Variants in PCLO observed in about 807,000 individuals in gnomAD.
PCLO encodes the protein piccolo presynaptic cytomatrix protein.
In PCLO, 82 loss-of-function variants were observed where a neutral mutation model predicts 427.5. The observed-to-expected ratio is 0.19, with a 90% CI of 0.16 to 0.23. PCLO has a LOEUF of 0.23. Among genes scored for constraint, PCLO ranks in the 10% least tolerant of loss-of-function variants. The probability of loss-of-function intolerance (pLI) is 1.00; values close to 1 mark genes in which losing one functional copy is unlikely to be tolerated. For synonymous variants in PCLO, 2,357 were observed against 2,155.4 expected (o/e 1.09, Z -2.59); for missense variants, 6,239 against 6,115.9 (o/e 1.02, Z -0.67).
intron 9 of PCLO, among the ~76,000 whole-genome samples, chr7:82,898,655 A>G (rs899630560): frequency 2.0e-5 from 3 of 151,438 alleles, no homozygotes; most frequent in Non-Finnish European, 4.4e-5. Flanking sequence ...TGTCTCACAA[A>G]GGCAGCTAAA....
In PCLO at chr7:83,134,736, G is replaced by C; in HGVS notation, c.2814C>G (p.Ile938Met). Reference protein sequence around the residue: ...TGKLFGFGASIFSQASNLIST... With the variant: ...TGKLFGFGASMFSQASNLIST... ...AAATTAAATTTGATGCCTGGCTGAA[G>C]ATTGATGCTCCAAACCCAAAGAGTT... Residue 938 changes from isoleucine (I) to methionine (M), a missense_variant, in exon 3 of 25, where the codon ATC becomes ATG. Physicochemically the swap from Ile to Met is conservative, Grantham distance 10. Coordinates refer to ENST00000333891, the MANE Select transcript of PCLO (RefSeq NM_033026.6). The C allele has an allele frequency of 6.2e-7, 1 of 1,613,922 alleles. No individual in the cohort carries two copies. The highest frequency in any genetic ancestry group is 8.5e-7 in the Non-Finnish European group (1 of 1,179,878).
At chr7:83,016,841 CA>C (rs1220664853) in intron 3 of PCLO, among the ~76,000 whole-genome samples, 1 of 152,100 alleles carries the variant, frequency 6.6e-6, no homozygotes, top group African/African-American at 2.4e-5. Context: ...AAAAACTTTA[CA>C]TATCAACTGT....
rs1792483168 is a variant in PCLO, at chr7:83,162,815, C to G, written c.-223G>C. ...GGTGCCTCCTCCATGTTGGACAGCGCCAGGCAACCTTTGCAGAAGACACCT... is the reference window on the plus strand; with the variant it reads ...GGTGCCTCCTCCATGTTGGACAGCGGCAGGCAACCTTTGCAGAAGACACCT... On this transcript the variant is annotated 5_prime_UTR_variant, in exon 1 of 25. Coordinates refer to ENST00000333891, the MANE Select transcript of PCLO (RefSeq NM_033026.6). 1 of 589,558 alleles carries G rather than the reference C, an allele frequency of 1.7e-6. No individual in the cohort carries two copies. The highest frequency in any genetic ancestry group is 2.0e-5 in the African/African-American group (1 of 50,866). 36.5% of individuals were successfully genotyped at this position (589,558 alleles called of 1,614,324 possible).
chr7:82,841,824 T>C (rs1316205120), intron 13 of PCLO, among the ~76,000 whole-genome samples: 1 of 151,980 alleles, frequency 6.6e-6, no homozygotes, highest in Non-Finnish European at 1.5e-5. Flanking sequence ...TATCTACAGG[T>C]TTTAAAGATC....
At chr7:83,093,462 A>ATGTGTGTGTGTGTGTGTGTGTG (rs199740692) in intron 3 of PCLO, among the ~76,000 whole-genome samples, 5 of 94,786 alleles carry the variant, frequency 5.3e-5, no homozygotes, top group African/African-American at 2.0e-4. Flanking sequence ...AAACATATAT[A>ATGTGTGTGTGTGTGTGTGTGTG]TGTGTGTGTG....
rs1297216512 is a variant in PCLO, at chr7:83,026,021, C to T, written c.3301-59534G>A. On this transcript the variant is annotated intron_variant, in intron 3 of 24. Transcript: ENST00000333891. ...AATCATGCCAAAATGTAAAGACCAT[C>T]GAGACTAGGAAGAAACTGCATCAAC... Among the ~76,000 whole-genome samples the T allele has an allele frequency of 2.2e-4, 34 of 152,094 alleles. 1 individual carries two copies. In the South Asian group the frequency reaches 6.2e-3, roughly 28 times the overall value.
At chr7:83,066,246 T>C (rs1386226676) in intron 3 of PCLO, among the ~76,000 whole-genome samples, 1 of 152,128 alleles carries the variant, frequency 6.6e-6, no homozygotes, top group Non-Finnish European at 1.5e-5. Context: ...AACTTATCAA[T>C]TCAGGTCTGA....
In PCLO at chr7:82,806,838, C is replaced by T. The variant is rs145744293; in HGVS notation, c.14792-1009G>A. Reference sequence around the variant, plus strand: ...TGTAGGAGCCCAGTAACTTACTCTTCTTCCTCTTGTGATATTATTTGCCAC... The same window carrying T: ...TGTAGGAGCCCAGTAACTTACTCTTTTTCCTCTTGTGATATTATTTGCCAC... On this transcript the variant is annotated intron_variant, in intron 20 of 24. Transcript: ENST00000333891. Among the ~76,000 whole-genome samples, 223 of 152,328 alleles carry T rather than the reference C, an allele frequency of 1.5e-3. 5 individuals carry two copies. In the East Asian group the frequency reaches 0.036, roughly 25 times the overall value.
chr7:82,928,460 GACCTCC>G (rs1794765397), intron 6 of PCLO, among the ~76,000 whole-genome samples: 2 of 152,092 alleles, frequency 1.3e-5, no homozygotes, highest in Admixed American at 1.3e-4. Context: ...GCAGTGGCAT[GACCTCC>G]ACCTCACAGG....
At chr7:82,985,420 T>G (rs1231049983) in intron 3 of PCLO, among the ~76,000 whole-genome samples, 1 of 152,086 alleles carries the variant, frequency 6.6e-6, no homozygotes, top group Non-Finnish European at 1.5e-5. Context: ...TGGAGTGCAG[T>G]TATTCCATGC....
intron 3 of PCLO, among the ~76,000 whole-genome samples, chr7:82,998,170 G>A (rs1242953635): frequency 6.6e-6 from 1 of 151,922 alleles, no homozygotes; most frequent in African/African-American, 2.4e-5. Flanking sequence ...ACAAATTGCT[G>A]GAGTCTTGGT....
chr7:82,956,551 TCTC>T lies in PCLO; in HGVS notation c.4399_4401del (p.Glu1467del), dbSNP rs1795527101. 9 of 1,612,650 alleles carry T rather than the reference TCTC, an allele frequency of 5.6e-6. No homozygotes were observed. In the African/African-American group the frequency reaches 1.2e-4, roughly 22 times the overall value. On this transcript the variant is annotated inframe_deletion, in exon 5 of 25. Coordinates refer to ENST00000333891, the MANE Select transcript of PCLO (RefSeq NM_033026.6). ...TTCCTTTCTTCTTGACTCTCTTTGA[TCTC>T]CTCTTCTGAAATAGTAATTTCCAAG... is the stretch of plus-strand genomic sequence containing the variant.
At chr7:83,008,434 T>C (rs1265504232) in intron 3 of PCLO, among the ~76,000 whole-genome samples, 1 of 151,746 alleles carries the variant, frequency 6.6e-6, no homozygotes, top group African/African-American at 2.4e-5. Context: ...TTATGTATTT[T>C]GTAATTTAAT....
At chr7:82,892,306 G>A (rs1419031554) in intron 9 of PCLO, among the ~76,000 whole-genome samples, 2 of 152,060 alleles carry the variant, frequency 1.3e-5, no homozygotes, top group African/African-American at 4.8e-5. Flanking sequence ...TGACAAACCT[G>A]ACAAAAACAA....
chr7:83,089,327 T>C (rs1790320019), intron 3 of PCLO, among the ~76,000 whole-genome samples: 1 of 152,140 alleles, frequency 6.6e-6, no homozygotes, highest in Non-Finnish European at 1.5e-5. Context: ...TTTCACCAGA[T>C]TTATCTCTCT....
Position 83,155,088 on chromosome 7 carries a change from T to G in PCLO, c.1553A>C (p.Lys518Thr). The G allele has an allele frequency of 6.3e-7, 1 of 1,594,222 alleles. No individual in the cohort carries two copies. Among genetic ancestry groups the G allele is most frequent in the Non-Finnish European group, 8.5e-7 (1 of 1,170,664 alleles). ...TGAGCCAGGCTGTTGAGGTGAGGGCTTTGCTGGGCCAGGCTGTTGAGGTGG... is the reference window on the plus strand; with the variant it reads ...TGAGCCAGGCTGTTGAGGTGAGGGCGTTGCTGGGCCAGGCTGTTGAGGTGG... ...KPPPQQPGPA[K>T]PSPQQPGSTK... is the part of the protein sequence containing the mutation. The change falls in exon 2 of 25, where the codon AAG (lysine) becomes ACG (threonine). Residue 518 changes from lysine (K) to threonine (T), a missense_variant. By Grantham distance (78) the Lys-to-Thr change is moderately conservative. Transcript: ENST00000333891.
At chr7:83,122,651 CA>C (rs1279167610) in intron 3 of PCLO, among the ~76,000 whole-genome samples, 2 of 151,880 alleles carry the variant, frequency 1.3e-5, no homozygotes, top group Non-Finnish European at 2.9e-5. Context: ...AGCAATTAGA[CA>C]AAAGAAAGAA....
intron 3 of PCLO, among the ~76,000 whole-genome samples, chr7:83,031,974 AT>A (rs1344104215): frequency 6.6e-6 from 1 of 152,092 alleles, no homozygotes; most frequent in Non-Finnish European, 1.5e-5. Context: ...TTAGGATTGC[AT>A]TTGATTAGCT....
intron 9 of PCLO, among the ~76,000 whole-genome samples, chr7:82,890,119 C>T (rs1242678744): frequency 6.6e-6 from 1 of 151,790 alleles, no homozygotes; most frequent in Admixed American, 6.6e-5. Context: ...ATGATACATG[C>T]ATTTATCCAT....
Sources: allele counts gnomAD v4.1 joint callset (sites outside exome capture counted in the v4.1 genomes callset), GRCh38; gene constraint gnomAD v4.1.1; transcripts MANE v1.5; gene names NCBI Gene and HGNC (gene_info 2026-07-23, HGNC 2026-07-21).